Variants in PIK3CB observed in about 807,000 individuals in gnomAD.
The protein encoded by PIK3CB is phosphatidylinositol-4,5-bisphosphate 3-kinase catalytic subunit beta.
Under a neutral mutation model 136.8 loss-of-function variants are expected in PIK3CB, and 39 were observed. That is an observed-to-expected ratio of 0.29 (90% confidence interval 0.22 to 0.37). The LOEUF (loss-of-function observed/expected upper bound fraction) is 0.37. Among genes scored for constraint, PIK3CB ranks in the 10% least tolerant of loss-of-function variants. The pLI is 1.00. For missense variants in PIK3CB, 868 were observed against 1,275.4 expected (o/e 0.68, Z 4.87); for synonymous variants, 428 against 436.6 (o/e 0.98, Z 0.25).
Position 138,831,461 on chromosome 3 carries a change from C to A in PIK3CB, c.-122+3234G>T, listed in dbSNP as rs192386625. 3.8e-3 allele frequency among the ~76,000 whole-genome samples: 571 copies of A among 151,718 alleles called. 5 individuals are homozygous for A. Among genetic ancestry groups the A allele is most frequent in the African/African-American group, 0.013 (548 of 41,440 alleles). ...ATTAGCTGGGCGTGGTGGCGGGTGCCTGTAATCCCAGCTACTTGGGAGGCT... is the reference window on the plus strand; with the variant it reads ...ATTAGCTGGGCGTGGTGGCGGGTGCATGTAATCCCAGCTACTTGGGAGGCT... On this transcript the variant is annotated intron_variant, in intron 1 of 23. Transcript: ENST00000674063.
At chr3:138,815,243 G>A (rs1209197467) in intron 1 of PIK3CB, among the ~76,000 whole-genome samples, 1 of 141,332 alleles carries the variant, frequency 7.1e-6, no homozygotes, top group African/African-American at 2.6e-5. Context: ...TGCAGTCCCA[G>A]CTACTCTGGA....
intron 4 of PIK3CB, among the ~76,000 whole-genome samples, chr3:138,747,043 C>A (rs2045368153): frequency 9.9e-6 from 1 of 100,874 alleles, no homozygotes; most frequent in Non-Finnish European, 1.9e-5. Context: ...ACATATCAAG[C>A]TATTCAGCCT....
intron 2 of PIK3CB, among the ~76,000 whole-genome samples, chr3:138,782,395 TTTTAAA>T (rs2045932318): frequency 2.0e-5 from 3 of 152,246 alleles, no homozygotes; most frequent in Non-Finnish European, 1.5e-5. Flanking sequence ...TGCTTGTGCC[TTTTAAA>T]TTTAATCACT....
intron 5 of PIK3CB, among the ~76,000 whole-genome samples, chr3:138,738,158 T>C: frequency 6.6e-6 from 1 of 152,084 alleles, no homozygotes; most frequent in Non-Finnish European, 1.5e-5. Flanking sequence ...CCATTAGGCA[T>C]TTTCCAATGA....
intron 19 of PIK3CB, among the ~76,000 whole-genome samples, chr3:138,679,443 G>C (rs2043717159): frequency 6.6e-6 from 1 of 152,090 alleles, no homozygotes; most frequent in South Asian, 2.1e-4. Context: ...TTACAAGCAA[G>C]AGCCACTGTA....
intron 9 of PIK3CB, among the ~76,000 whole-genome samples, chr3:138,713,010 A>G (rs1162370606): frequency 6.6e-6 from 1 of 152,166 alleles, no homozygotes. Context: ...GGAGGCATTG[A>G]GCTGATAGGA....
In PIK3CB at chr3:138,734,885, T is replaced by C. The variant is rs1417291668; in HGVS notation, c.802-81A>G. On this transcript the variant is annotated intron_variant, in intron 6 of 23. Coordinates refer to ENST00000674063, the MANE Select transcript of PIK3CB (RefSeq NM_006219.3). ...AGAATAAAATGAAGCTGAACAACAC[T>C]ATATCAAATGCACTGTGAAAGTATG... is the stretch of plus-strand genomic sequence containing the variant. 3.5e-6 allele frequency: 3 copies of C among 861,520 alleles called. No individual in the cohort carries two copies. In the Admixed American group the frequency reaches 7.8e-5, roughly 22 times the overall value. The allele number at this position is 861,520 out of a possible 1,614,324, so 53.4% of individuals were successfully genotyped here. A position where few individuals can be genotyped will look rare whatever the true frequency, so the allele number is the denominator to read the frequency against.
rs528021550 is a variant in PIK3CB, at chr3:138,665,620, T to C, written c.2505-417A>G. On this transcript the variant is annotated intron_variant, in intron 19 of 23. Coordinates refer to ENST00000674063, the MANE Select transcript of PIK3CB (RefSeq NM_006219.3). ...ATCTTGGTTAAGGGAAACTCCGTCC[T>C]TCTGGTGGCACCATCTCAGTTCATT... is the stretch of plus-strand genomic sequence containing the variant. Among the ~76,000 whole-genome samples, 2 of 152,352 alleles carry C rather than the reference T, an allele frequency of 1.3e-5. 1 individual carries two copies. Among genetic ancestry groups the C allele is most frequent in the South Asian group, 4.1e-4 (2 of 4,824 alleles).
At chr3:138,739,397 T>G (rs1466963891) in intron 5 of PIK3CB, among the ~76,000 whole-genome samples, 1 of 151,266 alleles carries the variant, frequency 6.6e-6, no homozygotes, top group Non-Finnish European at 1.5e-5. Flanking sequence ...GAGCTGAGAT[T>G]GTGTCACTGC....
At chr3:138,730,523 G>A (rs929174702) in intron 8 of PIK3CB, among the ~76,000 whole-genome samples, 6 of 152,136 alleles carry the variant, frequency 3.9e-5, no homozygotes, top group East Asian at 1.9e-4. Flanking sequence ...TTGTTACTAC[G>A]TAGATTCTAT....
intron 1 of PIK3CB, among the ~76,000 whole-genome samples, chr3:138,834,437 T>C (rs890827647): frequency 4.6e-5 from 7 of 152,186 alleles, no homozygotes; most frequent in Non-Finnish European, 8.8e-5. Context: ...GCAGCGTCTC[T>C]GCCGCCCAGG....
chr3:138,682,415 C>A (rs140980988), intron 18 of PIK3CB, among the ~76,000 whole-genome samples: 1 of 152,104 alleles, frequency 6.6e-6, no homozygotes, highest in Non-Finnish European at 1.5e-5. Flanking sequence ...AGATTCACTG[C>A]GCAAAGCACA....
chr3:138,741,307 T>G (rs1168019370), intron 5 of PIK3CB, among the ~76,000 whole-genome samples: 3 of 152,220 alleles, frequency 2.0e-5, no homozygotes, highest in Non-Finnish European at 4.4e-5. Flanking sequence ...CACAAAACAC[T>G]AAACTTGTCT....
chr3:138,823,434 G>A (rs1230364852), intron 1 of PIK3CB, among the ~76,000 whole-genome samples: 2 of 151,750 alleles, frequency 1.3e-5, no homozygotes, highest in Non-Finnish European at 2.9e-5. Context: ...GTCGGGCAAG[G>A]TGGCTCACGC....
chr3:138,662,210 A>G (rs1160943002), intron 21 of PIK3CB, among the ~76,000 whole-genome samples: 1 of 147,730 alleles, frequency 6.8e-6, no homozygotes, highest in Non-Finnish European at 1.5e-5. Context: ...TGCTGTACCC[A>G]TTAACTCGTC....
intron 2 of PIK3CB, among the ~76,000 whole-genome samples, chr3:138,785,029 T>TCCGCCCCGCAG (rs1201600763): frequency 6.6e-6 from 1 of 151,282 alleles, no homozygotes; most frequent in African/African-American, 2.4e-5. Flanking sequence ...GAGGAGCCCC[T>TCCGCCCCGCAG]CCGCCCCGCA....
chr3:138,745,531 G>A (rs2045336675), intron 4 of PIK3CB, among the ~76,000 whole-genome samples: 1 of 152,118 alleles, frequency 6.6e-6, no homozygotes, highest in South Asian at 2.1e-4. Flanking sequence ...TACTTGGGGG[G>A]CTGAGGCAGG....
intron 4 of PIK3CB, among the ~76,000 whole-genome samples, chr3:138,749,815 T>G (rs2045432843): frequency 6.6e-6 from 1 of 152,206 alleles, no homozygotes; most frequent in South Asian, 2.1e-4. Flanking sequence ...TTTCAAAAGT[T>G]TTGTTTTTCA....
intron 19 of PIK3CB, among the ~76,000 whole-genome samples, chr3:138,681,053 T>C (rs1030338615): frequency 1.5e-5 from 2 of 136,980 alleles, no homozygotes; most frequent in African/African-American, 5.1e-5. Flanking sequence ...TTTTTTTTTG[T>C]TTTTTTTTTT....
Sources: allele counts gnomAD v4.1 joint callset (sites outside exome capture counted in the v4.1 genomes callset), GRCh38; gene constraint gnomAD v4.1.1; transcripts MANE v1.5; gene names NCBI Gene and HGNC (gene_info 2026-07-23, HGNC 2026-07-21).